TMEM71: variants seen among roughly 807,000 people sequenced by gnomAD.
The protein encoded by TMEM71 is transmembrane protein 71.
A neutral mutation model predicts 38.0 loss-of-function variants in TMEM71; 44 were observed. The ratio of observed to expected loss-of-function variants is 1.16; its 90% confidence interval spans 0.91 to 1.49. The LOEUF is 1.49. Ranked by LOEUF, TMEM71 falls within the 40% of genes most tolerant of loss-of-function variation. The pLI, the probability that TMEM71 is intolerant of heterozygous loss-of-function variation, is 0.00. For synonymous variants in TMEM71, 133 were observed against 122.5 expected, an observed-to-expected ratio of 1.09 and a Z score of -0.56; for missense variants, 367 against 348.6, an observed-to-expected ratio of 1.05 and a Z score of -0.42.
At chr8:132,750,817 T>C (rs1010730031) in intron 4 of TMEM71, among the ~76,000 whole-genome samples, 67 of 152,200 alleles carry the variant, frequency 4.4e-4, no homozygotes, top group African/African-American at 1.5e-3. Flanking sequence ...CTACCATACA[T>C]CCAGTTGACA....
At chr8:132,739,943 T>C (rs1275117191) in intron 5 of TMEM71, among the ~76,000 whole-genome samples, 1 of 152,208 alleles carries the variant, frequency 6.6e-6, no homozygotes, top group African/African-American at 2.4e-5. Flanking sequence ...ATCTCCCACC[T>C]GAATCACACC....
chr8:132,751,440 T>C (rs1828702232), intron 4 of TMEM71, among the ~76,000 whole-genome samples: 1 of 152,244 alleles, frequency 6.6e-6, no homozygotes, highest in African/African-American at 2.4e-5. Context: ...CTTTCTTTTA[T>C]CCCTTCACTG....
rs1286923224 is a variant in TMEM71 at position 132,731,331 on chromosome 8, CA to C, written c.488-3346del. ...TGGTAGAAGGGTGCTGATGAGTCAT[CA>C]AACGATGTTTCAAGGTGGAAGTGAT... On this transcript the variant is annotated intron_variant, in intron 5 of 9. Transcript: ENST00000677595. 6.6e-5 allele frequency among the ~76,000 whole-genome samples: 10 copies of C among 152,222 alleles called. No homozygotes were observed. In the South Asian group the frequency reaches 2.1e-3, roughly 32 times the overall value.
chr8:132,756,408 ATAT>A (rs1212227830), intron 3 of TMEM71, among the ~76,000 whole-genome samples: 3 of 73,006 alleles, frequency 4.1e-5, no homozygotes, highest in African/African-American at 1.4e-4. Flanking sequence ...ACTAACATAT[ATAT>A]TATATATATA....
chr8:132,740,686 G>T (rs1827986352), intron 5 of TMEM71, among the ~76,000 whole-genome samples: 1 of 152,208 alleles, frequency 6.6e-6, no homozygotes, highest in South Asian at 2.1e-4. Flanking sequence ...TGTGTCAATT[G>T]CATGTAAGGG....
intron 5 of TMEM71, among the ~76,000 whole-genome samples, chr8:132,740,406 T>C (rs1336798776): frequency 1.3e-5 from 2 of 152,238 alleles, no homozygotes; most frequent in African/African-American, 4.8e-5. Flanking sequence ...TTGTTTCCCA[T>C]ACCACTCACC....
chr8:132,772,442 C>A, the TMEM71 span, among the ~76,000 whole-genome samples: 4 of 152,112 alleles, frequency 2.6e-5, no homozygotes, highest in African/African-American at 4.8e-5. Context: ...AGGGACAGAT[C>A]AATGCACGGC....
chr8:132,774,565 A>G, the TMEM71 span, among the ~76,000 whole-genome samples: 8 of 152,268 alleles, frequency 5.3e-5, no homozygotes, highest in Non-Finnish European at 8.8e-5. Flanking sequence ...TATAAGTGAC[A>G]TTTGTATGCA....
chr8:132,731,524 T>C (rs1215976317), intron 5 of TMEM71, among the ~76,000 whole-genome samples: 1 of 152,184 alleles, frequency 6.6e-6, no homozygotes, highest in Non-Finnish European at 1.5e-5. Context: ...GGCTGCTTAC[T>C]TGCCCCGACT....
At position 132,747,043 on chromosome 8, in the gene TMEM71, CA is replaced by C; in HGVS notation, c.385del (p.Trp129GlyfsTer20). 1 of 1,613,536 alleles carries C rather than the reference CA, an allele frequency of 6.2e-7. No homozygotes were observed. Among genetic ancestry groups the C allele is most frequent in the South Asian group, 1.1e-5 (1 of 91,008 alleles). ...GTCACCAAAGATACTTCCATGCAGC[CA>C]AGATTTGGAGGTACTGAGGTTGAAG... ...SLFNLSTSKS[W>X]LHGSIFGDIN... On this transcript the variant is annotated frameshift_variant, in exon 5 of 10. Transcript: ENST00000677595. LOFTEE classifies it high-confidence loss of function.
chr8:132,734,073 A>T (rs1402042775), intron 5 of TMEM71, among the ~76,000 whole-genome samples: 1 of 152,130 alleles, frequency 6.6e-6, no homozygotes, highest in Non-Finnish European at 1.5e-5. Flanking sequence ...AGGATGAGTT[A>T]TAGAGATCTG....
chr8:132,767,980 A>T, the TMEM71 span, among the ~76,000 whole-genome samples: 24 of 152,330 alleles, frequency 1.6e-4, 1 homozygote, highest in East Asian at 4.1e-3. Flanking sequence ...TATGTTACTT[A>T]TACGTAATAT....
the TMEM71 span, among the ~76,000 whole-genome samples, chr8:132,770,028 C>T: frequency 6.6e-6 from 1 of 152,184 alleles, no homozygotes; most frequent in African/African-American, 2.4e-5. Context: ...ATTTGTATAG[C>T]TGCTGTGTTC....
chr8:132,723,487 T>G (rs1167522538), intron 6 of TMEM71, among the ~76,000 whole-genome samples: 1 of 152,218 alleles, frequency 6.6e-6, no homozygotes, highest in African/African-American at 2.4e-5. Context: ...TCAGCTCAGG[T>G]GTAACCTCCT....
intron 6 of TMEM71, among the ~76,000 whole-genome samples, 174 bp from the exon 7 acceptor site, chr8:132,722,289 T>G (rs921777358): frequency 6.6e-6 from 1 of 152,192 alleles, no homozygotes; most frequent in African/African-American, 2.4e-5. Flanking sequence ...CCTACTGTTA[T>G]ACAGGGCTGT....
intron 5 of TMEM71, among the ~76,000 whole-genome samples, chr8:132,736,245 A>G (rs75494527): frequency 1.6e-3 from 240 of 152,338 alleles, no homozygotes; most frequent in Admixed American, 5.2e-3. Context: ...ACATTGCTTT[A>G]GAACTGAGAA....
At position 132,727,796 on chromosome 8, in the gene TMEM71, A is replaced by G; in HGVS notation, c.676+2T>C. 1.9e-6 allele frequency: 3 copies of G among 1,602,976 alleles called. No homozygotes were observed. The African/African-American group carries it at 4.0e-5, about 21-fold the overall frequency. ...GCAAATATTTAAAACACCTGAACTC[A>G]CCTGAATGATCCGAACTATTCTCTT... On this transcript the variant is annotated splice_donor_variant, in intron 6 of 9. Coordinates refer to ENST00000677595, the MANE Select transcript of TMEM71 (RefSeq NM_001382403.1). LOFTEE classifies it high-confidence loss of function.
chr8:132,738,718 T>TC (rs990242547), intron 5 of TMEM71, among the ~76,000 whole-genome samples: 1 of 152,160 alleles, frequency 6.6e-6, no homozygotes, highest in African/African-American at 2.4e-5. Context: ...CTCTTTCCCC[T>TC]CTCCTCTTCC....
chr8:132,763,049 C>T (rs535916394), upstream of TMEM71, among the ~76,000 whole-genome samples: 40 of 152,286 alleles, frequency 2.6e-4, no homozygotes, highest in African/African-American at 7.7e-4. Context: ...ACACTAGACA[C>T]GGGTCTACTT....
Sources: gnomAD v4.1 joint callset for allele counts (sites outside exome capture counted in the v4.1 genomes callset) on GRCh38, gnomAD v4.1.1 for gene constraint, MANE v1.5 for transcripts, NCBI Gene and HGNC (gene_info 2026-07-23, HGNC 2026-07-21) for gene names.